KHDRBS2: variants seen among roughly 807,000 people sequenced by gnomAD.
KHDRBS2 encodes the protein KH domain-containing, RNA-binding, signal transduction-associated protein 2.
In KHDRBS2, 26 loss-of-function variants were observed where a neutral mutation model predicts 44.3. That is an observed-to-expected ratio of 0.59 (90% CI 0.43 to 0.81). The LOEUF is 0.81. Ranked by LOEUF, KHDRBS2 falls within the 40% of genes least tolerant of loss-of-function variation. KHDRBS2 has a pLI of 0.00. For synonymous variants in KHDRBS2, 194 were observed against 151.1 expected, an observed-to-expected ratio of 1.28 and a Z score of -2.08; for missense variants, 476 against 433.1, an observed-to-expected ratio of 1.10 and a Z score of -0.88.
At chr6:62,004,209 C>CCAGG (rs954458590) in intron 3 of KHDRBS2, among the ~76,000 whole-genome samples, 2 of 152,032 alleles carry the variant, frequency 1.3e-5, no homozygotes, top group African/African-American at 4.8e-5. Context: ...ATCCATGAAT[C>CCAGG]CAGGAGCTGT....
intron 7 of KHDRBS2, among the ~76,000 whole-genome samples, chr6:61,707,605 C>G (rs1651499081): frequency 6.6e-6 from 1 of 151,704 alleles, no homozygotes; most frequent in African/African-American, 2.4e-5. Flanking sequence ...TAACCACATT[C>G]AAGCAAGCTT....
intron 2 of KHDRBS2, among the ~76,000 whole-genome samples, chr6:62,156,910 C>T (rs1816552417): frequency 2.1e-5 from 3 of 145,538 alleles, no homozygotes; most frequent in Non-Finnish European, 4.5e-5. Flanking sequence ...TGGTCTTGAT[C>T]TCCGGACCTC....
At chr6:62,148,032 T>C (rs1178891183) in intron 2 of KHDRBS2, among the ~76,000 whole-genome samples, 2 of 152,038 alleles carry the variant, frequency 1.3e-5, no homozygotes, top group Non-Finnish European at 2.9e-5. Flanking sequence ...ATATTATTCA[T>C]GGCAAATGTG....
At chr6:61,558,796 A>G in the KHDRBS2 span, among the ~76,000 whole-genome samples, 1 of 152,146 alleles carries the variant, frequency 6.6e-6, no homozygotes. Flanking sequence ...ACAGAATTTC[A>G]TTATTTTTGA....
At chr6:61,597,604 A>G in the KHDRBS2 span, among the ~76,000 whole-genome samples, 1 of 150,856 alleles carries the variant, frequency 6.6e-6, no homozygotes, top group African/African-American at 2.4e-5. Context: ...TCAGTGATTA[A>G]AGGAAACTGG....
intron 2 of KHDRBS2, among the ~76,000 whole-genome samples, chr6:62,165,323 A>C (rs1818457517): frequency 6.7e-6 from 1 of 148,582 alleles, no homozygotes; most frequent in African/African-American, 2.5e-5. Flanking sequence ...TTGGTGTATG[A>C]GATAAGATAG....
chr6:61,841,036 C>T (rs1793521103), intron 6 of KHDRBS2, among the ~76,000 whole-genome samples: 1 of 151,956 alleles, frequency 6.6e-6, no homozygotes, highest in South Asian at 2.1e-4. Context: ...TCTATAGTGG[C>T]CCTTACAACA....
intron 8 of KHDRBS2, among the ~76,000 whole-genome samples, chr6:61,686,773 C>G (rs767602256): frequency 1.4e-4 from 21 of 151,298 alleles, no homozygotes; most frequent in Admixed American, 2.6e-4. Context: ...ATTCACCAAC[C>G]CTTTCTCTTT....
At chr6:61,879,539 C>A (rs1799919195) in intron 6 of KHDRBS2, among the ~76,000 whole-genome samples, 1 of 151,886 alleles carries the variant, frequency 6.6e-6, no homozygotes, top group Non-Finnish European at 1.5e-5. Flanking sequence ...AGCCTCTTAA[C>A]TTTTATTATT....
chr6:61,935,338 C>T (rs946393235), intron 4 of KHDRBS2, among the ~76,000 whole-genome samples: 2 of 152,104 alleles, frequency 1.3e-5, no homozygotes, highest in South Asian at 2.1e-4. Context: ...TCAAGTCTGT[C>T]CTGGACTAAC....
intron 4 of KHDRBS2, among the ~76,000 whole-genome samples, chr6:61,951,080 A>G (rs536143724): frequency 4.5e-4 from 68 of 152,172 alleles, no homozygotes; most frequent in African/African-American, 1.5e-3. Flanking sequence ...CTATGCAGAA[A>G]TAGATAGAAC....
chr6:61,593,623 A>G, the KHDRBS2 span, among the ~76,000 whole-genome samples: 2 of 152,052 alleles, frequency 1.3e-5, no homozygotes, highest in Admixed American at 6.6e-5. Flanking sequence ...AAAGTGCAGC[A>G]AGAATAGTAC....
chr6:61,613,683 C>A, the KHDRBS2 span, among the ~76,000 whole-genome samples: 1 of 152,082 alleles, frequency 6.6e-6, no homozygotes, highest in East Asian at 1.9e-4. Flanking sequence ...GAAGACATTT[C>A]TTGATTCAGG....
chr6:61,914,335 A>C (rs1336434449), intron 4 of KHDRBS2, among the ~76,000 whole-genome samples: 1 of 152,054 alleles, frequency 6.6e-6, no homozygotes, highest in African/African-American at 2.4e-5. Flanking sequence ...AAAGTTACTG[A>C]ATGTGGGCTT....
intron 2 of KHDRBS2, among the ~76,000 whole-genome samples, chr6:62,097,113 T>C (rs1800780685): frequency 6.6e-6 from 1 of 152,016 alleles, no homozygotes; most frequent in African/African-American, 2.4e-5. Flanking sequence ...TTTTGTTTTT[T>C]TTTTTAATTG....
At position 61,978,228 on chromosome 6, in the gene KHDRBS2, T is replaced by C. The variant is rs139813297; in HGVS notation, c.337-16A>G. 9 of 1,591,172 alleles carry C rather than the reference T, an allele frequency of 5.7e-6. No individual in the cohort carries two copies. The highest frequency in any genetic ancestry group is 6.9e-6 in the Non-Finnish European group (8 of 1,165,926). The stretch of plus-strand genomic sequence containing the variant: ...GTTCTTCTTCCTGTGAAAAAGGTTA[T>C]TTTTAGAAATACAAATCCACTCATT... On this transcript the variant is annotated splice_polypyrimidine_tract_variant and intron_variant, in intron 3 of 8. Transcript: ENST00000281156.
the KHDRBS2 span, among the ~76,000 whole-genome samples, chr6:61,666,991 G>GA: frequency 7.1e-6 from 1 of 140,528 alleles, no homozygotes; most frequent in South Asian, 2.2e-4. Context: ...AACCTTCTGG[G>GA]TTTTTTTTTT....
At chr6:61,983,652 TA>T (rs1026439238) in intron 3 of KHDRBS2, among the ~76,000 whole-genome samples, 17 of 152,208 alleles carry the variant, frequency 1.1e-4, no homozygotes, top group African/African-American at 4.1e-4. Context: ...CCTATGTTAA[TA>T]AAAAACTCCA....
chr6:62,278,042 T>C lies in KHDRBS2; in HGVS notation c.91+7816A>G, dbSNP rs557323637. 3.9e-5 allele frequency among the ~76,000 whole-genome samples: 6 copies of C among 152,342 alleles called. No individual in the cohort carries two copies. The South Asian group carries it at 1.2e-3, about 32-fold the overall frequency. On this transcript the variant is annotated intron_variant, in intron 1 of 8. Coordinates refer to ENST00000281156, the MANE Select transcript of KHDRBS2 (RefSeq NM_152688.4). ...ATCATCTATTAGTGGTTATTCCACC[T>C]CTAAAAAAATTTCCAAATTCAGTTT...
Sources: allele counts gnomAD v4.1 joint callset (sites outside exome capture counted in the v4.1 genomes callset), GRCh38; gene constraint gnomAD v4.1.1; transcripts MANE v1.5; gene names NCBI Gene and HGNC (gene_info 2026-07-23, HGNC 2026-07-21).